Variants in MED27 observed in about 807,000 individuals in gnomAD.
The protein encoded by MED27 is mediator complex subunit 27.
MED27 carries 30 observed loss-of-function variants against 38.2 expected under a neutral mutation model. That is an observed-to-expected ratio of 0.79 (90% CI 0.59 to 1.07). MED27 has a LOEUF of 1.07. Among genes scored for constraint, MED27 ranks in the 50% least tolerant of loss-of-function variants. MED27 has a pLI of 0.00. For synonymous variants in MED27, 122 were observed against 153.5 expected, an observed-to-expected ratio of 0.79 and a Z score of 1.52; for missense variants, 289 against 397.5, an observed-to-expected ratio of 0.73 and a Z score of 2.32.
chr9:131,958,348 C>G (rs1335280802), intron 3 of MED27, among the ~76,000 whole-genome samples: 1 of 151,804 alleles, frequency 6.6e-6, no homozygotes, highest in Middle Eastern at 3.4e-3. Flanking sequence ...CGAGTTCTAG[C>G]GATTCTCCTG....
intron 3 of MED27, among the ~76,000 whole-genome samples, chr9:132,004,766 G>A (rs577807954): frequency 9.8e-5 from 15 of 152,320 alleles, no homozygotes; most frequent in African/African-American, 3.1e-4. Flanking sequence ...TAAGAGCCAC[G>A]GGCAGTAGGA....
rs370536278 is a variant in MED27 at position 131,991,172 on chromosome 9, C to T, written c.479+23165G>A. On this transcript the variant is annotated intron_variant, in intron 3 of 7. Coordinates refer to ENST00000292035, the MANE Select transcript of MED27 (RefSeq NM_004269.4). The stretch of plus-strand genomic sequence containing the variant: ...AGCCATACAAAACAACAGACACTTG[C>T]TATGTTAAAGTACAGCTGCGTTTCA... Among the ~76,000 whole-genome samples the T allele has an allele frequency of 4.6e-5, 7 of 152,234 alleles. No individual in the cohort carries two copies. The East Asian group carries it at 1.3e-3, about 29-fold the overall frequency.
intron 6 of MED27, among the ~76,000 whole-genome samples, chr9:131,867,731 T>C (rs1237052313): frequency 1.3e-5 from 2 of 152,240 alleles, no homozygotes; most frequent in Non-Finnish European, 2.9e-5. Context: ...GCCCAGACAC[T>C]AAGTCAGCCC....
chr9:131,885,472 T>C (rs991460397), intron 5 of MED27, among the ~76,000 whole-genome samples: 3 of 152,164 alleles, frequency 2.0e-5, no homozygotes, highest in Non-Finnish European at 4.4e-5. Context: ...TTTGTAGCCC[T>C]GCTCCCAAGG....
chr9:132,064,211 G>A (rs1463070665), intron 2 of MED27, among the ~76,000 whole-genome samples: 1 of 152,206 alleles, frequency 6.6e-6, no homozygotes, highest in Non-Finnish European at 1.5e-5. Context: ...TGAAGAGCAG[G>A]TGGGTGATCG....
chr9:132,058,023 A>G (rs1243532817), intron 2 of MED27, among the ~76,000 whole-genome samples: 1 of 152,138 alleles, frequency 6.6e-6, no homozygotes, highest in Non-Finnish European at 1.5e-5. Context: ...TATCCTCAAG[A>G]AAAAAAACTT....
chr9:132,071,736 G>A (rs1224595857), intron 2 of MED27, among the ~76,000 whole-genome samples: 2 of 149,094 alleles, frequency 1.3e-5, no homozygotes, highest in Non-Finnish European at 3.0e-5. Context: ...TACGAGTAAT[G>A]CACGTCCATG....
At chr9:132,037,266 G>A (rs1833099350) in intron 2 of MED27, among the ~76,000 whole-genome samples, 1 of 152,112 alleles carries the variant, frequency 6.6e-6, no homozygotes, top group Non-Finnish European at 1.5e-5. Context: ...TAATCCATGA[G>A]CTTACTATAT....
chr9:131,862,934 C>T lies in MED27; in HGVS notation c.801+129G>A. 1 of 679,182 alleles carries T rather than the reference C, an allele frequency of 1.5e-6. No individual in the cohort carries two copies. 42.1% of individuals were successfully genotyped at this position (679,182 alleles called of 1,614,324 possible). ...GTTTAAAGAAAGTAGCAGTTTTAAA[C>T]TGGCAGCCCCATCTCCCACTGGGAG... On this transcript the variant is annotated intron_variant, in intron 7 of 7. Coordinates refer to ENST00000292035, the MANE Select transcript of MED27 (RefSeq NM_004269.4). This position sits in a 1 kb window ranked among gnomAD's most constrained non-coding sequence, Gnocchi z 4.6.
chr9:132,033,445 A>C (rs1388436556), intron 2 of MED27, among the ~76,000 whole-genome samples: 1 of 152,208 alleles, frequency 6.6e-6, no homozygotes, highest in Non-Finnish European at 1.5e-5. Context: ...TTTTTCTAAG[A>C]AAATTTAAAT....
chr9:132,051,802 G>A lies in MED27; in HGVS notation c.348+25640C>T, dbSNP rs947748011. 1.3e-5 allele frequency among the ~76,000 whole-genome samples: 2 copies of A among 152,170 alleles called. No homozygotes were observed. Among genetic ancestry groups the A allele is most frequent in the African/African-American group, 2.4e-5 (1 of 41,432 alleles). On this transcript the variant is annotated intron_variant, in intron 2 of 7. Transcript: ENST00000292035. This position sits in a 1 kb window ranked among gnomAD's most constrained non-coding sequence, Gnocchi z 4.2. The stretch of plus-strand genomic sequence containing the variant: ...CATCATCACATAAAGTTCTATTGGC[G>A]AGCACTGCTCTGATCCCAGAAAATA...
intron 3 of MED27, among the ~76,000 whole-genome samples, chr9:131,974,180 G>A (rs1438708493): frequency 6.6e-6 from 1 of 152,230 alleles, no homozygotes; most frequent in Non-Finnish European, 1.5e-5. Context: ...GTTGACTGCA[G>A]TTCACCCTAG....
chr9:131,878,490 G>A lies in MED27; in HGVS notation c.723+5568C>T, dbSNP rs894041305. Among the ~76,000 whole-genome samples, 8 of 152,086 alleles carry A rather than the reference G, an allele frequency of 5.3e-5. No individual in the cohort carries two copies. In the East Asian group the frequency reaches 7.7e-4, roughly 15 times the overall value. On this transcript the variant is annotated intron_variant, in intron 6 of 7. Coordinates refer to ENST00000292035, the MANE Select transcript of MED27 (RefSeq NM_004269.4). ...TGTGGATGGAGAGCTGGACATCTGC[G>A]GGCTACTTTCATGCTGTCCCTTACC... is the stretch of plus-strand genomic sequence containing the variant.
intron 2 of MED27, among the ~76,000 whole-genome samples, chr9:132,027,361 C>CCCTACTCA: frequency 6.6e-6 from 1 of 152,324 alleles, no homozygotes; most frequent in South Asian, 2.1e-4. Context: ...CGGCCATTTG[C>CCCTACTCA]CCTACTCAGC....
At chr9:132,026,558 A>C (rs1382770241) in intron 2 of MED27, among the ~76,000 whole-genome samples, 1 of 152,180 alleles carries the variant, frequency 6.6e-6, no homozygotes, top group Non-Finnish European at 1.5e-5. Context: ...TTACTGGCCT[A>C]GCAGAAGGGT....
intron 3 of MED27, among the ~76,000 whole-genome samples, chr9:131,956,489 G>A (rs912620105): frequency 3.3e-5 from 5 of 151,888 alleles, no homozygotes; most frequent in Non-Finnish European, 7.4e-5. Flanking sequence ...GATGGCAGGC[G>A]CCTGTAATTC....
intron 4 of MED27, among the ~76,000 whole-genome samples, chr9:131,933,044 A>G (rs1258547465): frequency 6.6e-6 from 1 of 152,152 alleles, no homozygotes; most frequent in Non-Finnish European, 1.5e-5. Context: ...GATACTGAAA[A>G]AACATTTGAT....
intron 4 of MED27, among the ~76,000 whole-genome samples, chr9:131,907,280 A>G (rs1830083228): frequency 6.6e-6 from 1 of 151,854 alleles, no homozygotes; most frequent in Admixed American, 6.6e-5. Context: ...CCGAAGCTGG[A>G]CTGTACTGCT....
chr9:132,031,772 T>C (rs1589277379), intron 2 of MED27: 1 of 151,668 alleles, frequency 6.6e-6, no homozygotes, highest in Admixed American at 6.6e-5. Flanking sequence ...GTTCCTTGGA[T>C]GAAAATAAAA....
Sources: allele counts gnomAD v4.1 joint callset (sites outside exome capture counted in the v4.1 genomes callset), GRCh38; gene constraint gnomAD v4.1.1; non-coding constraint Gnocchi (gnomAD v3.1); transcripts MANE v1.5; gene names NCBI Gene and HGNC (gene_info 2026-07-23, HGNC 2026-07-21).